DMD: variants seen among roughly 807,000 people sequenced by gnomAD.
DMD encodes dystrophin, also known as mutant dystrophin.
A neutral mutation model predicts 330.1 loss-of-function variants in DMD; 63 were observed. The observed-to-expected ratio is 0.19, with a 90% CI of 0.16 to 0.24. DMD has a LOEUF of 0.24. DMD is among the 10% of genes least tolerant of loss of function. The pLI is 1.00. For missense variants in DMD, 3,344 were observed against 2,684.1 expected, an observed-to-expected ratio of 1.25 and a Z score of -5.43; for synonymous variants, 1,223 against 959.8, an observed-to-expected ratio of 1.27 and a Z score of -5.07.
chrX:31,939,201 T>C (rs1158901759), intron 45 of DMD, among the ~76,000 whole-genome samples: 1 of 111,680 alleles, frequency 9.0e-6, no homozygotes, highest in East Asian at 2.8e-4. Context: ...CCTCCGTAGG[T>C]CATTATCAGA....
chrX:31,478,309 T>A lies in DMD; in HGVS notation c.8734A>T (p.Asn2912Tyr). 8.3e-7 allele frequency: 1 copy of A among 1,211,580 alleles called. No individual in the cohort carries two copies. The highest frequency in any genetic ancestry group is 1.7e-5 in the African/African-American group (1 of 57,700). The change falls in exon 59 of 79, where the codon AAT becomes TAT. Residue 2912 changes from asparagine to tyrosine, a missense_variant. Transcript: ENST00000357033. ...RLLRKQAEEV[N>Y]TEWEKLNLHS... The stretch of plus-strand genomic sequence containing the variant: ...AGGTTCAATTTTTCCCACTCAGTAT[T>A]GACCTCCTCAGCCTGCTTTCGTAGA...
At position 31,478,266 on chromosome X, in the gene DMD, T is replaced by C; in HGVS notation, c.8777A>G (p.Gln2926Arg). ...TTCAAGGGTCTCATCTATTTTTCTCTGCCAGTCAGCGGAGTGCAGGTTCAA... is the reference window on the plus strand; with the variant it reads ...TTCAAGGGTCTCATCTATTTTTCTCCGCCAGTCAGCGGAGTGCAGGTTCAA... ...EKLNLHSADW[Q>R]RKIDETLERL... The change falls in exon 59 of 79, where the codon CAG (glutamine) becomes CGG (arginine). Residue 2926 changes from glutamine to arginine, a missense_variant. Physicochemically the swap from Gln to Arg is conservative, Grantham distance 43 (BLOSUM62 1). Coordinates refer to ENST00000357033, the MANE Select transcript of DMD (RefSeq NM_004006.3). The C allele has an allele frequency of 1.7e-6, 2 of 1,211,618 alleles. No homozygotes were observed. Among genetic ancestry groups the C allele is most frequent in the South Asian group, 1.8e-5 (1 of 56,965 alleles).
intron 37 of DMD, among the ~76,000 whole-genome samples, chrX:32,362,478 A>AT (rs1026812003): frequency 1.8e-5 from 2 of 110,770 alleles, no homozygotes; most frequent in African/African-American, 6.6e-5. Context: ...GCTATTTGTT[A>AT]TTTTTTTCTG....
intron 29 of DMD, among the ~76,000 whole-genome samples, chrX:32,413,710 C>CTTT (rs779787287): frequency 2.0e-3 from 156 of 78,531 alleles, no homozygotes; most frequent in African/African-American, 3.5e-3. Flanking sequence ...AAGCTCTATT[C>CTTT]TTTTTTTTTT....
intron 51 of DMD, among the ~76,000 whole-genome samples, chrX:31,772,520 A>G (rs1326578160): frequency 8.9e-6 from 1 of 112,460 alleles, no homozygotes; most frequent in Non-Finnish European, 1.9e-5. Context: ...AATGCTCAGC[A>G]TAGTGTCTGA....
rs752768326 is a variant in DMD, at chrX:32,131,667, T to A, written c.6438+85249A>T. 7.1e-5 allele frequency among the ~76,000 whole-genome samples: 8 copies of A among 112,527 alleles called. No individual in the cohort carries two copies. In the South Asian group the frequency reaches 3.0e-3, roughly 42 times the overall value. On this transcript the variant is annotated intron_variant, in intron 44 of 78. Coordinates refer to ENST00000357033, the MANE Select transcript of DMD (RefSeq NM_004006.3). ...GTCATTAGTGATGAAGAAAAAACCC[T>A]TTAAAACTAAGATAACTTCAAGAAA... is the stretch of plus-strand genomic sequence containing the variant.
At chrX:33,112,582 G>T (rs892251360) in intron 1 of DMD, among the ~76,000 whole-genome samples, 10 of 111,128 alleles carry the variant, frequency 9.0e-5, no homozygotes, top group African/African-American at 2.0e-4. Context: ...GAAGTGTACC[G>T]TCCTATCCCC....
rs1460926429 is a variant in DMD at position 33,113,994 on chromosome X, A to G, written c.32-93794T>C. 3.6e-5 allele frequency among the ~76,000 whole-genome samples: 4 copies of G among 111,530 alleles called. No homozygotes were observed. The Admixed American group carries it at 3.8e-4, about 11-fold the overall frequency. On this transcript the variant is annotated intron_variant, in intron 1 of 78. Coordinates refer to ENST00000357033, the MANE Select transcript of DMD (RefSeq NM_004006.3). ...TATACTATAAATGTAATATAATTCCATAAAAATAACCAAGACAAAAAATAC... is the reference window on the plus strand; with the variant it reads ...TATACTATAAATGTAATATAATTCCGTAAAAATAACCAAGACAAAAAATAC...
intron 45 of DMD, among the ~76,000 whole-genome samples, chrX:31,936,766 T>C (rs1356762873): frequency 8.9e-6 from 1 of 111,777 alleles, no homozygotes; most frequent in Non-Finnish European, 1.9e-5. Context: ...TCCTTTACTC[T>C]TTCATTTGTT....
chrX:33,146,279 A>C (rs1056055497), intron 1 of DMD, among the ~76,000 whole-genome samples: 1 of 110,701 alleles, frequency 9.0e-6, no homozygotes, highest in Non-Finnish European at 1.9e-5. Flanking sequence ...TCCTTTCTCC[A>C]CGTCCCCAGG....
chrX:32,851,730 G>A (rs1181671656), intron 2 of DMD, among the ~76,000 whole-genome samples: 1 of 112,375 alleles, frequency 8.9e-6, no homozygotes, highest in Admixed American at 9.4e-5. Context: ...TCATGTAGAC[G>A]ATCTGTGTGC....
Position 31,178,747 on chromosome X carries a change from G to T in DMD, c.10145C>A (p.Thr3382Asn), listed in dbSNP as rs2040828686. Residue 3382 changes from threonine (T) to asparagine (N), a missense_variant, in exon 70 of 79, where the codon ACC becomes AAC. By Grantham distance (65) the Thr-to-Asn change is moderately conservative (BLOSUM62 0). Transcript: ENST00000357033. ...GGGATGCTTCGCAAAATACCTTTTG[G>T]TTCGAAATTTGTTTTTTAGTACCTT... Reference protein sequence around the residue: ...FAKVLKNKFRTKRYFAKHPRM... With the variant: ...FAKVLKNKFRNKRYFAKHPRM... The T allele has an allele frequency of 1.7e-6, 2 of 1,209,547 alleles. No homozygotes were observed. The highest frequency in any genetic ancestry group is 1.8e-5 in the South Asian group (1 of 56,821).
intron 28 of DMD, among the ~76,000 whole-genome samples, 198 bp from the exon 29 acceptor site, chrX:32,438,588 G>A (rs1392749803): frequency 9.0e-6 from 1 of 111,449 alleles, no homozygotes; most frequent in South Asian, 3.8e-4. Flanking sequence ...ATCTTCATGG[G>A]ATTATGACAG....
At chrX:31,976,246 A>G (rs1211724468) in intron 44 of DMD, among the ~76,000 whole-genome samples, 1 of 111,299 alleles carries the variant, frequency 9.0e-6, no homozygotes, top group Non-Finnish European at 1.9e-5. Context: ...TGCATTGGAG[A>G]CAGAAATGAA....
intron 64 of DMD, among the ~76,000 whole-genome samples, chrX:31,217,909 A>G (rs2045581083): frequency 8.9e-6 from 1 of 112,205 alleles, no homozygotes; most frequent in Non-Finnish European, 1.9e-5. Flanking sequence ...AGCCATGCTC[A>G]GAAAGGAAAT....
At chrX:32,285,211 G>A (rs762194229) in intron 43 of DMD, among the ~76,000 whole-genome samples, 1 of 112,036 alleles carries the variant, frequency 8.9e-6, no homozygotes, top group South Asian at 3.8e-4. Flanking sequence ...GTCCTTAGGG[G>A]ATGGTGTGGG....
intron 41 of DMD, among the ~76,000 whole-genome samples, chrX:32,339,888 G>C (rs1218927887): frequency 9.0e-6 from 1 of 111,569 alleles, no homozygotes; most frequent in Non-Finnish European, 1.9e-5. Flanking sequence ...GGAGAATATA[G>C]GGGGAGGTAA....
intron 7 of DMD, among the ~76,000 whole-genome samples, chrX:32,740,253 G>A (rs749793542): frequency 1.3e-3 from 145 of 110,206 alleles, no homozygotes; most frequent in Non-Finnish European, 2.4e-3. Flanking sequence ...GAAGTTTGGC[G>A]GGAAGAAAAT....
chrX:31,795,891 G>A (rs756037766), intron 50 of DMD, among the ~76,000 whole-genome samples: 5 of 112,011 alleles, frequency 4.5e-5, no homozygotes, highest in Non-Finnish European at 9.4e-5. Context: ...AGCCTATTAT[G>A]ACAAATGTAT....
Sources: allele counts gnomAD v4.1 joint callset (sites outside exome capture counted in the v4.1 genomes callset), GRCh38; gene constraint gnomAD v4.1.1; transcripts MANE v1.5; gene names NCBI Gene and HGNC (gene_info 2026-07-23, HGNC 2026-07-21).